Variants in CD44 observed in about 807,000 individuals in gnomAD.
CD44 encodes CD44 molecule (IN blood group).
Under a neutral mutation model 88.8 loss-of-function variants are expected in CD44, and 49 were observed. That is an observed-to-expected ratio of 0.55 (90% CI 0.44 to 0.70). CD44 has a LOEUF of 0.70. Among genes scored for constraint, CD44 ranks in the 30% least tolerant of loss-of-function variants. The pLI is 0.00. For synonymous variants in CD44, 325 were observed against 312.3 expected, an observed-to-expected ratio of 1.04 and a Z score of -0.43; for missense variants, 883 against 913.8, an observed-to-expected ratio of 0.97 and a Z score of 0.43.
chr11:35,207,706 G>A (rs192075292), intron 11 of CD44, among the ~76,000 whole-genome samples: 31 of 152,272 alleles, frequency 2.0e-4, no homozygotes, highest in Admixed American at 1.7e-3. Context: ...AGTCCCTTTG[G>A]TTGGTAAGGG....
intron 1 of CD44, among the ~76,000 whole-genome samples, chr11:35,166,891 G>A (rs763201462): frequency 4.6e-5 from 7 of 152,264 alleles, no homozygotes; most frequent in African/African-American, 7.2e-5. Context: ...AGCCAAAGGC[G>A]ATTCGGCCAC....
intron 11 of CD44, 49 bp downstream of exon 11, chr11:35,206,292 A>G: frequency 1.3e-6 from 2 of 1,536,796 alleles, no homozygotes; most frequent in Admixed American, 2.0e-5. Flanking sequence ...AAATCCACTG[A>G]GTGACTGCTG....
At chr11:35,179,849 CCTAT>C (rs1413817753) in intron 2 of CD44, among the ~76,000 whole-genome samples, 1 of 152,158 alleles carries the variant, frequency 6.6e-6, no homozygotes, top group East Asian at 1.9e-4. Flanking sequence ...AGCACCCCTT[CCTAT>C]CTATGGAAGC....
chr11:35,170,879 T>C (rs1346424469), intron 1 of CD44, among the ~76,000 whole-genome samples: 3 of 152,358 alleles, frequency 2.0e-5, no homozygotes, highest in African/African-American at 4.8e-5. Context: ...TGTTCTGTGG[T>C]CCATGGCTAT....
intron 1 of CD44, among the ~76,000 whole-genome samples, chr11:35,156,919 A>T (rs1400793367): frequency 6.6e-6 from 1 of 152,186 alleles, no homozygotes; most frequent in Non-Finnish European, 1.5e-5. Flanking sequence ...CTGTAGTCCC[A>T]GCTGCTCAGG....
At chr11:35,210,750 G>A (rs537237935) in intron 13 of CD44, 1 of 163,022 alleles carries the variant, frequency 6.1e-6, no homozygotes, top group Admixed American at 5.7e-5. Flanking sequence ...CCTCCATGGT[G>A]CTGATGACTA....
At chr11:35,173,663 G>A (rs549139695) in intron 1 of CD44, among the ~76,000 whole-genome samples, 1 of 152,310 alleles carries the variant, frequency 6.6e-6, no homozygotes, top group South Asian at 2.1e-4. Context: ...CAGAATCAAG[G>A]AAGATAATAC....
intron 1 of CD44, among the ~76,000 whole-genome samples, chr11:35,141,011 A>G (rs1857807952): frequency 6.7e-6 from 1 of 148,292 alleles, no homozygotes; most frequent in Non-Finnish European, 1.5e-5. Context: ...ACAAAGCGTG[A>G]CTCTGTTAAA....
Position 35,229,319 on chromosome 11 carries a change from A to C in CD44, c.2215A>C (p.Lys739Gln), listed in dbSNP as rs200314711. 3.5e-5 allele frequency: 57 copies of C among 1,611,084 alleles called. No homozygotes were observed. The African/African-American group carries it at 5.9e-4, about 17-fold the overall frequency. The change falls in exon 18 of 18, where the codon AAG (lysine) becomes CAG (glutamine). Residue 739 changes from lysine to glutamine, a missense_variant. Lys to Gln is a moderately conservative substitution (Grantham distance 53, BLOSUM62 1). Transcript: ENST00000428726. ...ETRNLQNVDM[K>Q]IGV ...AAGGAACCTGCAGAATGTGGACATG[A>C]AGATTGGGGTGTAACACCTACACCA...
intron 2 of CD44, among the ~76,000 whole-genome samples, chr11:35,178,376 G>A (rs75620473): frequency 0.039 from 5,944 of 152,306 alleles, 177 homozygotes; most frequent in East Asian, 0.078. Flanking sequence ...TCAAACTGCA[G>A]TATTGGTCAA....
intron 1 of CD44, among the ~76,000 whole-genome samples, chr11:35,166,924 C>A (rs1342126268): frequency 6.6e-6 from 1 of 152,216 alleles, no homozygotes; most frequent in African/African-American, 2.4e-5. Context: ...TGGCCTCATT[C>A]AGAAGTGGAT....
chr11:35,192,187 G>C (rs1339458028), intron 5 of CD44, among the ~76,000 whole-genome samples: 2 of 152,178 alleles, frequency 1.3e-5, no homozygotes, highest in Non-Finnish European at 2.9e-5. Flanking sequence ...AAAAGAAAGA[G>C]ACTAATGAGT....
chr11:35,202,901 C>T (rs79797900), intron 9 of CD44, among the ~76,000 whole-genome samples: 203 of 152,274 alleles, frequency 1.3e-3, no homozygotes, highest in African/African-American at 4.7e-3. Flanking sequence ...TCCCTTAGAG[C>T]CCTAACAGTA....
chr11:35,208,218 G>T lies in CD44; in HGVS notation c.1516+12G>T, dbSNP rs542242592. 6.5e-7 allele frequency: 1 copy of T among 1,531,496 alleles called. No homozygotes were observed. Among genetic ancestry groups the T allele is most frequent in the Non-Finnish European group, 9.1e-7 (1 of 1,104,928 alleles). The allele number at this position is 1,531,496 out of a possible 1,614,324, so 94.9% of individuals were successfully genotyped here. ...TTCAATGACAACGCGTAAGAATAAC[G>T]ATGCTCAGCCACTTTATTGACTTGT... On this transcript the variant is annotated intron_variant, in intron 12 of 17. Transcript: ENST00000428726.
rs118026646 is a variant in CD44 at position 35,147,603 on chromosome 11, C to T, written c.67+8233C>T. Among the ~76,000 whole-genome samples, 191 of 148,698 alleles carry T rather than the reference C, an allele frequency of 1.3e-3. 5 individuals are homozygous for T. The East Asian group carries it at 0.028, about 22-fold the overall frequency. ...ATGAGGACTCATCCCATATTCCAGC[C>T]CCCTTCCCCCAACTTTTTTTTTTTT... On this transcript the variant is annotated intron_variant, in intron 1 of 17. Coordinates refer to ENST00000428726, the MANE Select transcript of CD44 (RefSeq NM_000610.4).
chr11:35,166,211 G>A (rs1271250203), intron 1 of CD44, among the ~76,000 whole-genome samples: 1 of 152,208 alleles, frequency 6.6e-6, no homozygotes, highest in Non-Finnish European at 1.5e-5. Context: ...AGATCGTGAG[G>A]CCAGAGGATT....
At chr11:35,176,188 G>T (rs949870480) in intron 1 of CD44, among the ~76,000 whole-genome samples, 2 of 151,890 alleles carry the variant, frequency 1.3e-5, no homozygotes, top group Non-Finnish European at 2.9e-5. Flanking sequence ...GACTACAGGC[G>T]CCCGCCACCA....
At chr11:35,180,224 A>T in intron 2 of CD44, 50 bp from the exon 3 acceptor site, 2 of 1,591,594 alleles carry the variant, frequency 1.3e-6, no homozygotes, top group Non-Finnish European at 1.7e-6. Flanking sequence ...ATATTATGAA[A>T]TTCCCATCTT....
intron 4 of CD44, 135 bp from the exon 5 acceptor site, chr11:35,189,700 C>T (rs1946078095): frequency 1.5e-6 from 1 of 664,806 alleles, no homozygotes; most frequent in Non-Finnish European, 2.7e-6. Flanking sequence ...GCATCTGCCA[C>T]TCTCTCCCAC....
Sources: allele counts gnomAD v4.1 joint callset (sites outside exome capture counted in the v4.1 genomes callset), GRCh38; gene constraint gnomAD v4.1.1; transcripts MANE v1.5; gene names NCBI Gene and HGNC (gene_info 2026-07-23, HGNC 2026-07-21).